ZFP30: variants seen among roughly 807,000 people sequenced by gnomAD.
ZFP30 encodes the protein ZFP30 zinc finger protein, also known as zinc finger protein 30 homolog.
ZFP30 carries 16 observed loss-of-function variants against 12.3 expected under a neutral mutation model. The ratio of observed to expected loss-of-function variants is 1.30; its 90% confidence interval spans 0.88 to 1.98. The LOEUF (loss-of-function observed/expected upper bound fraction) is 1.98. Ranked by LOEUF, ZFP30 falls within the 30% of genes most tolerant of loss-of-function variation. The pLI is 0.00. For synonymous variants in ZFP30, 172 were observed against 201.0 expected, an observed-to-expected ratio of 0.86 and a Z score of 1.22; for missense variants, 560 against 611.2, an observed-to-expected ratio of 0.92 and a Z score of 0.88.
intron 5 of ZFP30, among the ~76,000 whole-genome samples, chr19:37,640,937 T>C (rs1263313622): frequency 6.6e-6 from 1 of 151,956 alleles, no homozygotes; most frequent in Admixed American, 6.6e-5. Flanking sequence ...GATCTGAAAA[T>C]GTTAAAACCC....
At chr19:37,642,458 CTATT>C (rs1236142636) in intron 5 of ZFP30, among the ~76,000 whole-genome samples, 5 of 152,266 alleles carry the variant, frequency 3.3e-5, no homozygotes, top group African/African-American at 9.6e-5. Flanking sequence ...TAAAATTACT[CTATT>C]CATTCATTAT....
intron 2 of ZFP30, among the ~76,000 whole-genome samples, chr19:37,650,980 G>A (rs995656833): frequency 5.3e-5 from 8 of 152,054 alleles, no homozygotes; most frequent in African/African-American, 1.9e-4. Flanking sequence ...TCATGTGATC[G>A]ATCCACCAGC....
chr19:37,650,739 T>C (rs371615173), intron 2 of ZFP30, among the ~76,000 whole-genome samples: 4 of 98,360 alleles, frequency 4.1e-5, no homozygotes, highest in African/African-American at 9.7e-5. Context: ...TTTCTTTTCC[T>C]TTTTTTTTTT....
At chr19:37,645,911 T>C (rs2044535142) in intron 3 of ZFP30, among the ~76,000 whole-genome samples, 1 of 152,174 alleles carries the variant, frequency 6.6e-6, no homozygotes, top group Non-Finnish European at 1.5e-5. Flanking sequence ...ACAGATTCTT[T>C]ATTTAATATT....
chr19:37,635,819 G>A lies in ZFP30; in HGVS notation c.722C>T (p.Pro241Leu), dbSNP rs1025585243. Residue 241 changes from proline (P) to leucine (L), a missense_variant, in exon 6 of 6, where the codon CCG becomes CTG. Coordinates refer to ENST00000684514, the MANE Select transcript of ZFP30 (RefSeq NM_001320669.3). Reference protein sequence around the residue: ...VHQRIHIGEKPYECKECGKAF... With the variant: ...VHQRIHIGEKLYECKECGKAF... ...TTTCCCACATTCTTTACATTCATAC[G>A]GCTTCTCACCAATATGAATTCTCTG... 8.1e-6 allele frequency: 13 copies of A among 1,613,958 alleles called. No individual in the cohort carries two copies. The highest frequency in any genetic ancestry group is 3.3e-5 in the South Asian group (3 of 91,080).
intron 4 of ZFP30, among the ~76,000 whole-genome samples, chr19:37,644,230 A>C (rs2044494231): frequency 6.6e-6 from 1 of 152,238 alleles, no homozygotes; most frequent in Non-Finnish European, 1.5e-5. Flanking sequence ...CAAAGCAGAC[A>C]TTTAGCTAGT....
chr19:37,647,736 G>A (rs752259876), intron 3 of ZFP30, 78 bp downstream of exon 3: 323 of 1,567,780 alleles, frequency 2.1e-4, no homozygotes, highest in Admixed American at 3.0e-4. Flanking sequence ...TTAGAAAGTT[G>A]CAGAATAACA....
At chr19:37,645,776 G>C (rs1013704068) in intron 3 of ZFP30, among the ~76,000 whole-genome samples, 3 of 151,432 alleles carry the variant, frequency 2.0e-5, no homozygotes, top group African/African-American at 7.3e-5. Context: ...AATAATAATT[G>C]ATGGTATTCT....
chr19:37,648,008 C>G, intron 2 of ZFP30, 109 bp from the exon 3 acceptor site: 1 of 621,586 alleles, frequency 1.6e-6, no homozygotes, highest in South Asian at 2.1e-5. Context: ...ACCCCCAACA[C>G]ACAGACAAGT....
chr19:37,637,440 C>T (rs562452917), intron 5 of ZFP30, among the ~76,000 whole-genome samples: 87 of 151,952 alleles, frequency 5.7e-4, no homozygotes, highest in African/African-American at 1.8e-3. Flanking sequence ...CCACCTGCCT[C>T]GGCCTCCCAA....
intron 2 of ZFP30, among the ~76,000 whole-genome samples, chr19:37,651,193 T>A (rs2044642949): frequency 6.6e-6 from 1 of 152,174 alleles, no homozygotes; most frequent in Admixed American, 6.5e-5. Flanking sequence ...ATTAAAATGA[T>A]CTTGTTTTTT....
Position 37,636,185 on chromosome 19 carries a change from C to T in ZFP30, c.356G>A (p.Ser119Asn). 1.2e-6 allele frequency: 2 copies of T among 1,614,110 alleles called. No homozygotes were observed. ...TTGCCTGAAACACACCTCATGAGGA[C>T]TTTCTTGTTCTTCAAGTCCACAGCT... is the stretch of plus-strand genomic sequence containing the variant. ...IKSCGLEEQE[S>N]PHEVCFRQVT... Residue 119 changes from serine (S) to asparagine (N), a missense_variant, in exon 6 of 6, where the codon AGT becomes AAT. Coordinates refer to ENST00000684514, the MANE Select transcript of ZFP30 (RefSeq NM_001320669.3).
intron 2 of ZFP30, among the ~76,000 whole-genome samples, chr19:37,653,031 C>T (rs772613461): frequency 4.6e-5 from 7 of 150,964 alleles, no homozygotes; most frequent in Non-Finnish European, 7.4e-5. Context: ...GCAGGAGAAT[C>T]GCTTGAACCC....
At chr19:37,637,196 TTTTTTTC>T (rs1289152596) in intron 5 of ZFP30, among the ~76,000 whole-genome samples, 1 of 150,640 alleles carries the variant, frequency 6.6e-6, no homozygotes, top group African/African-American at 2.4e-5. Context: ...TTCTTTTTTC[TTTTTTTC>T]TTTTTTTTTT....
intron 2 of ZFP30, among the ~76,000 whole-genome samples, chr19:37,648,262 C>T (rs1486580066): frequency 2.0e-5 from 3 of 152,106 alleles, no homozygotes; most frequent in Admixed American, 6.5e-5. Flanking sequence ...CCCACCTTCC[C>T]AGCTGAAAAG....
rs773869409 is a variant in ZFP30 at position 37,647,843 on chromosome 19, T to C, written c.-21A>G. On this transcript the variant is annotated 5_prime_UTR_variant, in exon 3 of 6. Coordinates refer to ENST00000684514, the MANE Select transcript of ZFP30 (RefSeq NM_001320669.3). ...GCCATGATTTTAGAACTGCTAGAAC[T>C]GGTCAATTTTCCTCAAGGTTCATGT... The C allele has an allele frequency of 2.5e-6, 4 of 1,614,066 alleles. No homozygotes were observed. The highest frequency in any genetic ancestry group is 1.7e-6 in the Non-Finnish European group (2 of 1,179,966).
intron 2 of ZFP30, 114 bp downstream of exon 2, chr19:37,654,598 G>A (rs2044715404): frequency 6.6e-6 from 1 of 152,172 alleles, no homozygotes; most frequent in African/African-American, 2.4e-5. Flanking sequence ...CGTTAACTAG[G>A]TAGGGAAATC....
intron 3 of ZFP30, 119 bp from the exon 4 acceptor site, chr19:37,644,855 GGAGGA>G: frequency 4.9e-6 from 5 of 1,023,888 alleles, no homozygotes; most frequent in Non-Finnish European, 6.9e-6. Flanking sequence ...GCCTGAAGCA[GGAGGA>G]CTGCTTGAGG....
rs1243010216 is a variant in ZFP30, at chr19:37,644,666, T to C, written c.80A>G (p.Gln27Arg). ...TATCACATCTCTGTACAAATTCCTC[T>C]GATATGAGTTCAGGCATTCCCATTC... ...QEEWECLNSY[Q>R]RNLYRDVILE... Residue 27 changes from glutamine to arginine, a missense_variant, in exon 4 of 6, where the codon CAG becomes CGG. Physicochemically the swap from Gln to Arg is conservative, Grantham distance 43. Transcript: ENST00000684514. 1 of 1,613,316 alleles carries C rather than the reference T, an allele frequency of 6.2e-7. No individual in the cohort carries two copies. Among genetic ancestry groups the C allele is most frequent in the Non-Finnish European group, 8.5e-7 (1 of 1,179,670 alleles).
Sources: gnomAD v4.1 joint callset for allele counts (sites outside exome capture counted in the v4.1 genomes callset) on GRCh38, gnomAD v4.1.1 for gene constraint, MANE v1.5 for transcripts, NCBI Gene and HGNC (gene_info 2026-07-23, HGNC 2026-07-21) for gene names.